Variants in SDHA observed in about 807,000 individuals in gnomAD.
The protein encoded by SDHA is succinate dehydrogenase complex flavoprotein subunit A, also known as succinate dehydrogenase [ubiquinone] flavoprotein subunit, mitochondrial.
Under a neutral mutation model 78.4 loss-of-function variants are expected in SDHA, and 48 were observed. That is an observed-to-expected ratio of 0.61 (90% confidence interval 0.49 to 0.78). SDHA has a LOEUF of 0.78. SDHA is among the 30% of genes least tolerant of loss of function. SDHA has a pLI of 0.00. For synonymous variants in SDHA, 326 were observed against 353.9 expected (o/e 0.92, Z 0.88); for missense variants, 680 against 892.7 (o/e 0.76, Z 3.04).
At position 251,376 on chromosome 5, in the gene SDHA, C is replaced by G. The variant is rs1554001912; in HGVS notation, c.1702C>G (p.Leu568Val). ...WNTDLVETLE[L>V]QNLMLCALQT... is the part of the protein sequence containing the mutation. The stretch of plus-strand genomic sequence containing the variant: ...CACGGACCTGGTGGAGACCCTGGAG[C>G]TGCAGAACCTGATGCTGTGTGCGCT... The change falls in exon 13 of 15, where the codon CTG becomes GTG. Residue 568 changes from leucine (L) to valine (V), a missense_variant. Coordinates refer to ENST00000264932, the MANE Select transcript of SDHA (RefSeq NM_004168.4). The G allele has an allele frequency of 1.2e-6, 2 of 1,613,786 alleles. No homozygotes were observed. Among genetic ancestry groups the G allele is most frequent in the Middle Eastern group, 1.7e-4 (1 of 6,046 alleles).
At chr5:263,743 ACT>A in the SDHA span, among the ~76,000 whole-genome samples, 9 of 152,132 alleles carry the variant, frequency 5.9e-5, no homozygotes, top group Admixed American at 3.9e-4. Flanking sequence ...GGATACAAGG[ACT>A]CTCATACGTC....
At chr5:250,752 A>T (rs1579437270) in intron 11 of SDHA, 1 of 476,768 alleles carries the variant, frequency 2.1e-6, no homozygotes, top group African/African-American at 2.0e-5. Flanking sequence ...TCCTGCTGGA[A>T]AGGATGTGTG....
chr5:251,287 C>G (rs778687555), intron 12 of SDHA, 51 bp from the exon 13 acceptor site: 3 of 1,589,730 alleles, frequency 1.9e-6, no homozygotes, highest in Admixed American at 3.5e-5. Context: ...GCTCGGAGGG[C>G]CCATGTGACT....
At chr5:267,839 A>T in the SDHA span, among the ~76,000 whole-genome samples, 1 of 152,162 alleles carries the variant, frequency 6.6e-6, no homozygotes, top group Non-Finnish European at 1.5e-5. Context: ...GCTTCCAGTG[A>T]TTGGGTCAGC....
intron 14 of SDHA, among the ~76,000 whole-genome samples, chr5:255,676 C>T (rs951125621): frequency 6.6e-6 from 1 of 152,122 alleles, no homozygotes; most frequent in East Asian, 1.9e-4. Context: ...CTCCTGCGCT[C>T]AAGTGATCCA....
intron 5 of SDHA, 126 bp from the exon 6 acceptor site, chr5:228,059 G>A (rs1735152308): frequency 4.4e-6 from 4 of 917,550 alleles, no homozygotes; most frequent in Admixed American, 2.0e-5. Flanking sequence ...CACTGTTGCT[G>A]ATCTCCTTGG....
In SDHA at chr5:233,649, C is replaced by A. The variant is rs768276870; in HGVS notation, c.1064+4C>A. On this transcript the variant is annotated splice_donor_region_variant and intron_variant, in intron 8 of 14. Coordinates refer to ENST00000264932, the MANE Select transcript of SDHA (RefSeq NM_004168.4). Reference sequence around the variant, plus strand: ...CTCTGGAGATCCGAGAAGGAAGGTGCGTGTGATTTACCACCAGCACTGTCT... The same window carrying A: ...CTCTGGAGATCCGAGAAGGAAGGTGAGTGTGATTTACCACCAGCACTGTCT... 6.2e-7 allele frequency: 1 copy of A among 1,613,692 alleles called. No homozygotes were observed. The highest frequency in any genetic ancestry group is 8.5e-7 in the Non-Finnish European group (1 of 1,179,690).
At chr5:235,072 C>G in intron 8 of SDHA, 72 bp from the exon 9 acceptor site, 4 of 1,444,074 alleles carry the variant, frequency 2.8e-6, no homozygotes, top group Non-Finnish European at 3.9e-6. Context: ...CACACACTTC[C>G]AAGATGACGT....
At chr5:228,016 G>A in intron 5 of SDHA, 169 bp from the exon 6 acceptor site, 1 of 693,038 alleles carries the variant, frequency 1.4e-6, no homozygotes, top group Non-Finnish European at 2.6e-6. Context: ...TGCTCGGCGT[G>A]GAATGCCTCT....
intron 13 of SDHA, 50 bp from the exon 14 acceptor site, chr5:254,343 G>A (rs763024388): frequency 6.5e-7 from 1 of 1,527,466 alleles, no homozygotes; most frequent in Non-Finnish European, 8.8e-7. Flanking sequence ...TGTTTTTTCT[G>A]TATTGCTCTG....
chr5:219,237 GGATGGT>G (rs1289023557), intron 1 of SDHA, among the ~76,000 whole-genome samples: 6 of 152,030 alleles, frequency 3.9e-5, no homozygotes, highest in Admixed American at 6.5e-5. Context: ...GCTTAGTCCA[GGATGGT>G]GGTCAGGGTT....
At chr5:243,495 A>C (rs1018052040) in intron 11 of SDHA, among the ~76,000 whole-genome samples, 7 of 152,208 alleles carry the variant, frequency 4.6e-5, no homozygotes, top group African/African-American at 1.7e-4. Flanking sequence ...GGGCTGGTTT[A>C]GATGCACAAG....
At chr5:253,928 T>C (rs553293873) in intron 13 of SDHA, among the ~76,000 whole-genome samples, 1 of 152,066 alleles carries the variant, frequency 6.6e-6, no homozygotes, top group African/African-American at 2.4e-5. Context: ...GGTGTGGTGG[T>C]AGCACAGGAG....
At chr5:239,509 A>G (rs971346716) in intron 10 of SDHA, among the ~76,000 whole-genome samples, 3 of 151,646 alleles carry the variant, frequency 2.0e-5, no homozygotes, top group African/African-American at 7.3e-5. Flanking sequence ...GTGAGCCGAG[A>G]TGGTGCCACT....
intron 1 of SDHA, among the ~76,000 whole-genome samples, chr5:222,683 C>A (rs183576968): frequency 1.3e-5 from 2 of 152,142 alleles, no homozygotes; most frequent in African/African-American, 4.8e-5. Context: ...ATTCAGTGGT[C>A]TTCTCAAATG....
chr5:245,992 C>T (rs1340750856), intron 11 of SDHA, among the ~76,000 whole-genome samples: 1 of 152,226 alleles, frequency 6.6e-6, no homozygotes, highest in Non-Finnish European at 1.5e-5. Flanking sequence ...AGAGGAGATC[C>T]TGGTCTCACT....
intron 7 of SDHA, among the ~76,000 whole-genome samples, chr5:231,517 G>A (rs1735394259): frequency 6.8e-6 from 1 of 147,696 alleles, no homozygotes; most frequent in South Asian, 2.1e-4. Context: ...CCGAGATCGC[G>A]CCACTGCACT....
At position 228,146 on chromosome 5, in the gene SDHA, G is replaced by A. The variant is rs373041911; in HGVS notation, c.622-39G>A. The stretch of plus-strand genomic sequence containing the variant: ...TACCACCTTAAAACCTTAAAGTTTG[G>A]CTTAACACTTCTTGCCCTTTTTTTT... On this transcript the variant is annotated intron_variant, in intron 5 of 14. Coordinates refer to ENST00000264932, the MANE Select transcript of SDHA (RefSeq NM_004168.4). The A allele has an allele frequency of 1.4e-5, 23 of 1,605,722 alleles. No homozygotes were observed. The African/African-American group carries it at 2.2e-4, about 16-fold the overall frequency.
chr5:256,828 C>CTTTTTTTTT lies in SDHA; in HGVS notation c.*412_*420dup, dbSNP rs1420375226. ...ATAGTTTCTTTTTTCTTTTTCTTTT[C>CTTTTTTTTT]TTTTTTTTTTTTGAGACAGGATCGG... On this transcript the variant is annotated 3_prime_UTR_variant, in exon 15 of 15. Transcript: ENST00000264932. 1 of 229,684 alleles carries CTTTTTTTTT rather than the reference C, an allele frequency of 4.4e-6. No individual in the cohort carries two copies. Among genetic ancestry groups the CTTTTTTTTT allele is most frequent in the African/African-American group, 2.4e-5 (1 of 42,014 alleles). 14.2% of individuals were successfully genotyped at this position (229,684 alleles called of 1,614,324 possible). A position where few individuals can be genotyped will look rare whatever the true frequency, so the allele number is the denominator to read the frequency against.
Sources: gnomAD v4.1 joint callset for allele counts (sites outside exome capture counted in the v4.1 genomes callset) on GRCh38, gnomAD v4.1.1 for gene constraint, MANE v1.5 for transcripts, NCBI Gene and HGNC (gene_info 2026-07-23, HGNC 2026-07-21) for gene names.